PLCL2: variants seen among roughly 807,000 people sequenced by gnomAD.
The protein encoded by PLCL2 is inactive phospholipase C-like protein 2.
A neutral mutation model predicts 79.6 loss-of-function variants in PLCL2; 4 were observed. The observed-to-expected ratio is 0.05, with a 90% CI of 0.02 to 0.11. PLCL2 has a LOEUF of 0.11. Ranked by LOEUF, PLCL2 falls within the 10% of genes least tolerant of loss-of-function variation. The pLI is 1.00. For synonymous variants in PLCL2, 484 were observed against 457.7 expected (o/e 1.06, Z -0.73); for missense variants, 895 against 1,291.0 (o/e 0.69, Z 4.70).
chr3:16,981,004 C>T (rs868279804), intron 1 of PLCL2, among the ~76,000 whole-genome samples: 13 of 152,336 alleles, frequency 8.5e-5, no homozygotes, highest in Admixed American at 5.2e-4. Flanking sequence ...AGCGTGGTGG[C>T]GCGCGCCTGC....
Position 17,090,062 on chromosome 3 carries a change from A to G in PLCL2, c.*150A>G. On this transcript the variant is annotated 3_prime_UTR_variant, in exon 6 of 6. Coordinates refer to ENST00000615277, the MANE Select transcript of PLCL2 (RefSeq NM_001144382.2). ...TAATTACAGTCTATTAAAACTGTGA[A>G]TGTATGTAGCAATCCTGCGTGTGAA... 7.2e-7 allele frequency: 1 copy of G among 1,384,066 alleles called. No homozygotes were observed. Among genetic ancestry groups the G allele is most frequent in the Non-Finnish European group, 9.4e-7 (1 of 1,067,436 alleles). 85.7% of individuals were successfully genotyped at this position (1,384,066 alleles called of 1,614,324 possible).
At chr3:16,895,661 T>C (rs901598557) in intron 1 of PLCL2, among the ~76,000 whole-genome samples, 1 of 151,974 alleles carries the variant, frequency 6.6e-6, no homozygotes. Flanking sequence ...TTTCCAAGAG[T>C]CCTTAAAGCA....
intron 5 of PLCL2, among the ~76,000 whole-genome samples, chr3:17,080,892 C>G (rs1221663305): frequency 6.6e-6 from 1 of 152,234 alleles, no homozygotes; most frequent in African/African-American, 2.4e-5. Context: ...GTGTGTGTTT[C>G]AACCTGCTTG....
intron 1 of PLCL2, among the ~76,000 whole-genome samples, chr3:16,940,323 C>T (rs929213388): frequency 5.3e-5 from 8 of 152,160 alleles, no homozygotes; most frequent in South Asian, 2.1e-4. Flanking sequence ...TAGTTTCCCT[C>T]GTCCTTTTTA....
chr3:17,007,843 C>T (rs1559516194), intron 1 of PLCL2, among the ~76,000 whole-genome samples: 1 of 152,294 alleles, frequency 6.6e-6, no homozygotes, highest in South Asian at 2.1e-4. Flanking sequence ...CAACTCCCAT[C>T]CCTATTTCTT....
chr3:17,025,105 C>T (rs905624637), intron 3 of PLCL2, among the ~76,000 whole-genome samples: 4 of 152,092 alleles, frequency 2.6e-5, no homozygotes, highest in African/African-American at 9.7e-5. Flanking sequence ...GATGTGAAGC[C>T]TGTCGTGGTT....
chr3:17,054,543 A>G (rs1318714748), intron 4 of PLCL2, among the ~76,000 whole-genome samples: 2 of 152,098 alleles, frequency 1.3e-5, no homozygotes, highest in South Asian at 2.1e-4. Context: ...GTGGAAGGCA[A>G]AGCAGGAGCA....
intron 1 of PLCL2, among the ~76,000 whole-genome samples, chr3:16,907,880 A>G (rs1490253035): frequency 6.6e-6 from 1 of 152,194 alleles, no homozygotes; most frequent in Admixed American, 6.5e-5. Flanking sequence ...ATAAATATCA[A>G]TTCATTTCAT....
intron 3 of PLCL2, among the ~76,000 whole-genome samples, chr3:17,033,267 G>A (rs996114234): frequency 6.6e-6 from 1 of 152,064 alleles, no homozygotes; most frequent in African/African-American, 2.4e-5. Flanking sequence ...GATTTATATA[G>A]CATTTGGCAT....
chr3:17,074,994 A>G (rs1272542060), intron 5 of PLCL2, among the ~76,000 whole-genome samples: 3 of 152,214 alleles, frequency 2.0e-5, no homozygotes, highest in African/African-American at 7.2e-5. Flanking sequence ...GTAGAATAGC[A>G]CTTTAAATTT....
At chr3:16,938,731 G>A (rs1037121266) in intron 1 of PLCL2, among the ~76,000 whole-genome samples, 3 of 152,118 alleles carry the variant, frequency 2.0e-5, no homozygotes, top group African/African-American at 2.4e-5. Flanking sequence ...TGTCTTTTGA[G>A]CTTCTTTTCC....
chr3:16,977,142 C>T (rs972922765), intron 1 of PLCL2, among the ~76,000 whole-genome samples: 3 of 152,060 alleles, frequency 2.0e-5, no homozygotes, highest in South Asian at 2.1e-4. Context: ...AATACATATA[C>T]GTATATATAC....
intron 1 of PLCL2, among the ~76,000 whole-genome samples, chr3:17,002,390 A>G (rs949723413): frequency 3.3e-5 from 5 of 152,138 alleles, no homozygotes; most frequent in Admixed American, 2.6e-4. Context: ...CTAGGACTAC[A>G]AATACTATGT....
rs546611778 is a variant in PLCL2 at position 17,049,960 on chromosome 3, G to A, written c.3094+7011G>A. Reference sequence around the variant, plus strand: ...CTGCAGAATTATAGTAATCAAAATCGCATGATAATGGTATAAAAGCAGACA... The same window carrying A: ...CTGCAGAATTATAGTAATCAAAATCACATGATAATGGTATAAAAGCAGACA... On this transcript the variant is annotated intron_variant, in intron 4 of 5. Coordinates refer to ENST00000615277, the MANE Select transcript of PLCL2 (RefSeq NM_001144382.2). Among the ~76,000 whole-genome samples the A allele has an allele frequency of 7.9e-5, 12 of 151,996 alleles. No homozygotes were observed. The South Asian group carries it at 8.3e-4, about 11-fold the overall frequency.
chr3:16,982,838 A>G (rs2064014138), intron 1 of PLCL2, among the ~76,000 whole-genome samples: 1 of 152,266 alleles, frequency 6.6e-6, no homozygotes, highest in African/African-American at 2.4e-5. Flanking sequence ...TCTAAAAATT[A>G]AATCCCTTCT....
intron 1 of PLCL2, among the ~76,000 whole-genome samples, chr3:16,977,114 G>C (rs1343647683): frequency 6.7e-6 from 1 of 149,776 alleles, no homozygotes; most frequent in African/African-American, 2.5e-5. Flanking sequence ...CATTGAATAC[G>C]CACACACACA....
chr3:16,962,034 G>C (rs1350240987), intron 1 of PLCL2, among the ~76,000 whole-genome samples: 1 of 152,140 alleles, frequency 6.6e-6, no homozygotes, highest in African/African-American at 2.4e-5. Flanking sequence ...AATGGCAGTT[G>C]AAAGATCCAA....
intron 1 of PLCL2, among the ~76,000 whole-genome samples, chr3:16,935,473 G>A (rs1454152407): frequency 6.6e-6 from 1 of 151,824 alleles, no homozygotes; most frequent in African/African-American, 2.4e-5. Flanking sequence ...ATAAATAGTG[G>A]GATTTTTATA....
At chr3:17,058,530 G>A (rs1481291928) in intron 4 of PLCL2, among the ~76,000 whole-genome samples, 1 of 152,156 alleles carries the variant, frequency 6.6e-6, no homozygotes. Flanking sequence ...GCCTGGTCTT[G>A]AAAGGGAAGA....
Sources: allele counts gnomAD v4.1 joint callset (sites outside exome capture counted in the v4.1 genomes callset), GRCh38; gene constraint gnomAD v4.1.1; transcripts MANE v1.5; gene names NCBI Gene and HGNC (gene_info 2026-07-23, HGNC 2026-07-21).